Variants in ADGRV1 observed in about 807,000 individuals in gnomAD.
The protein encoded by ADGRV1 is G-protein coupled receptor 98.
Under a neutral mutation model 596.2 loss-of-function variants are expected in ADGRV1, and 359 were observed. That is an observed-to-expected ratio of 0.60 (90% CI 0.55 to 0.66). ADGRV1 has a LOEUF of 0.66. Among genes scored for constraint, ADGRV1 ranks in the 30% least tolerant of loss-of-function variants. ADGRV1 has a pLI of 0.00. For missense variants in ADGRV1, 7,274 were observed against 7,575.6 expected (o/e 0.96, Z 1.48); for synonymous variants, 2,681 against 2,679.2 (o/e 1.00, Z -0.02).
rs752676584 is a variant in ADGRV1 at position 90,614,764 on chromosome 5, A to G, written c.23-71A>G. On this transcript the variant is annotated intron_variant, in intron 1 of 89. Coordinates refer to ENST00000405460, the MANE Select transcript of ADGRV1 (RefSeq NM_032119.4). ...AACTCTTCATACTATGTTTATATCT[A>G]TAGACAATACAATCTAATGAGAATA... 2.5e-5 allele frequency: 28 copies of G among 1,106,308 alleles called. No homozygotes were observed. In the Admixed American group the frequency reaches 3.1e-4, roughly 12 times the overall value. The allele number at this position is 1,106,308 out of a possible 1,614,324, so 68.5% of individuals were successfully genotyped here. A position where few individuals can be genotyped will look rare whatever the true frequency, so the allele number is the denominator to read the frequency against.
At position 90,706,284 on chromosome 5, in the gene ADGRV1, C is replaced by A. The variant is rs758834029; in HGVS notation, c.8620C>A (p.Gln2874Lys). Residue 2874 changes from glutamine to lysine, a missense_variant, in exon 38 of 90, where the codon CAA becomes AAA. By Grantham distance (53) the Gln-to-Lys change is moderately conservative. Around this residue, in one of 5 missense-constraint regions of ADGRV1, gnomAD observed 3,643 missense variants for 3,809.2 expected, o/e 0.96. Transcript: ENST00000405460. The stretch of plus-strand genomic sequence containing the variant: ...TCCTGGAATGCTGAGTCTGAAGAAC[C>A]AAACAGTAGGAAACCTAGCAGAGCC... ...TVPGMLSLKN[Q>K]TVGNLAEPEV... The A allele has an allele frequency of 3.1e-6, 5 of 1,613,296 alleles. No homozygotes were observed. The South Asian group carries it at 5.5e-5, about 18-fold the overall frequency.
At chr5:90,573,310 A>C (rs1756782196) in intron 1 of ADGRV1, among the ~76,000 whole-genome samples, 3 of 152,162 alleles carry the variant, frequency 2.0e-5, no homozygotes, top group Admixed American at 1.3e-4. Context: ...AATTACAGTC[A>C]TGCATTGCTT....
At chr5:90,864,583 A>G (rs1170375376) in intron 83 of ADGRV1, among the ~76,000 whole-genome samples, 1 of 152,188 alleles carries the variant, frequency 6.6e-6, no homozygotes, top group African/African-American at 2.4e-5. Context: ...GAAGGTCAAG[A>G]AAGTCTTCAT....
chr5:90,834,541 C>A (rs796798785), intron 77 of ADGRV1, among the ~76,000 whole-genome samples: 7 of 151,944 alleles, frequency 4.6e-5, no homozygotes, highest in Non-Finnish European at 8.8e-5. Context: ...ATTTGTTCCA[C>A]TTTACTTGCT....
In ADGRV1 at chr5:90,712,387, C is replaced by G. The variant is rs1749480488; in HGVS notation, c.9143C>G (p.Thr3048Arg). The G allele has an allele frequency of 6.3e-7, 1 of 1,589,234 alleles. No homozygotes were observed. Among genetic ancestry groups the G allele is most frequent in the Middle Eastern group, 1.7e-4 (1 of 5,842 alleles). The change falls in exon 42 of 90, where the codon ACA becomes AGA. Residue 3048 changes from threonine (T) to arginine (R), a missense_variant. Thr to Arg is a moderately conservative substitution (Grantham distance 71). Coordinates refer to ENST00000405460, the MANE Select transcript of ADGRV1 (RefSeq NM_032119.4). Reference sequence around the variant, plus strand: ...GATGAAAAATTTCAGCTGATTTTAACAAATCCTTCTCCTGGACTAGAGCTA... The same window carrying G: ...GATGAAAAATTTCAGCTGATTTTAAGAAATCCTTCTCCTGGACTAGAGCTA... The part of the protein sequence containing the change: ...EGDEKFQLIL[T>R]NPSPGLELGK...
In ADGRV1 at chr5:91,113,918, CAAAA is replaced by C. The variant is rs1792611704; in HGVS notation, c.18432+11582_18432+11585del. 4.1e-5 allele frequency among the ~76,000 whole-genome samples: 6 copies of C among 145,796 alleles called. No individual in the cohort carries two copies. The South Asian group carries it at 1.3e-3, about 32-fold the overall frequency. ...TGGGCAACAGAGCGAGACTGCATCT[CAAAA>C]AAAGAGAAAAAAAATGCCAGGTGCA... is the stretch of plus-strand genomic sequence containing the variant. On this transcript the variant is annotated intron_variant, in intron 87 of 89. Transcript: ENST00000405460.
At chr5:90,646,615 C>T (rs1767805886) in intron 16 of ADGRV1, among the ~76,000 whole-genome samples, 1 of 151,968 alleles carries the variant, frequency 6.6e-6, no homozygotes, top group African/African-American at 2.4e-5. Context: ...TCTTTGGCCA[C>T]CTGAGGCATC....
At chr5:90,613,296 C>G (rs1300196496) in intron 1 of ADGRV1, among the ~76,000 whole-genome samples, 1 of 152,024 alleles carries the variant, frequency 6.6e-6, no homozygotes, top group Non-Finnish European at 1.5e-5. Flanking sequence ...CTTCATTGTA[C>G]CTTGTTCATT....
At chr5:91,001,190 G>C (rs968908014) in intron 85 of ADGRV1, among the ~76,000 whole-genome samples, 2 of 152,012 alleles carry the variant, frequency 1.3e-5, no homozygotes, top group African/African-American at 4.8e-5. Context: ...TGATCCTCCT[G>C]CCTCAGCTTC....
At chr5:91,069,995 A>C (rs1788238322) in intron 85 of ADGRV1, among the ~76,000 whole-genome samples, 1 of 152,188 alleles carries the variant, frequency 6.6e-6, no homozygotes, top group African/African-American at 2.4e-5. Flanking sequence ...TTCTAGGCAA[A>C]TTAACATAGG....
chr5:90,754,120 ATCAT>A (rs1196810117), intron 54 of ADGRV1, among the ~76,000 whole-genome samples: 9 of 152,210 alleles, frequency 5.9e-5, no homozygotes, highest in South Asian at 4.1e-4. Flanking sequence ...TATCTTTTTC[ATCAT>A]TCATCTGTTC....
At chr5:91,152,833 A>AT (rs930431564) in intron 88 of ADGRV1, among the ~76,000 whole-genome samples, 6 of 152,098 alleles carry the variant, frequency 3.9e-5, no homozygotes, top group African/African-American at 1.4e-4. Flanking sequence ...TACCCAGCTA[A>AT]TTTTTTACAT....
At chr5:90,717,342 G>A (rs1424148494) in intron 43 of ADGRV1, 1 of 149,016 alleles carries the variant, frequency 6.7e-6, no homozygotes, top group Non-Finnish European at 1.5e-5. Context: ...GTACACATAT[G>A]TAACAAACCT....
At chr5:91,035,857 T>TAAA (rs1784823826) in intron 85 of ADGRV1, among the ~76,000 whole-genome samples, 4 of 69,836 alleles carry the variant, frequency 5.7e-5, no homozygotes, top group Non-Finnish European at 9.9e-5. Context: ...TATATATATA[T>TAAA]ATATTATATA....
At chr5:90,778,812 A>G in intron 63 of ADGRV1, 53 bp from the exon 64 acceptor site, 1 of 1,433,602 alleles carries the variant, frequency 7.0e-7, no homozygotes, top group South Asian at 1.3e-5. Flanking sequence ...TACAGACAGT[A>G]TTGTCTGGTA....
At position 90,729,761 on chromosome 5, in the gene ADGRV1, A is replaced by G; in HGVS notation, c.10546A>G (p.Ile3516Val). ...RIHSFTPASG[I>V]AHILLIGQDM... ...CCACTCCTTCACACCAGCCTCAGGA[A>G]TAGGTAAGGACTTTTCAACTGCTCA... The change falls in exon 50 of 90, where the codon ATA becomes GTA. Residue 3516 changes from isoleucine to valine, a missense_variant. By Grantham distance (29) the Ile-to-Val change is conservative (BLOSUM62 3). Coordinates refer to ENST00000405460, the MANE Select transcript of ADGRV1 (RefSeq NM_032119.4). The G allele has an allele frequency of 1.2e-6, 2 of 1,613,408 alleles. No individual in the cohort carries two copies. Among genetic ancestry groups the G allele is most frequent in the Non-Finnish European group, 1.7e-6 (2 of 1,179,558 alleles).
Position 90,854,219 on chromosome 5 carries a change from A to T in ADGRV1, c.17594+18A>T. 6.6e-6 allele frequency: 10 copies of T among 1,513,994 alleles called. No individual in the cohort carries two copies. Among genetic ancestry groups the T allele is most frequent in the Non-Finnish European group, 8.8e-6 (10 of 1,131,254 alleles). 93.8% of individuals were successfully genotyped at this position (1,513,994 alleles called of 1,614,324 possible). ...GCTGCAAGGTACTTATTAATAAAAT[A>T]AAAAAATCAGAATTTGGTCCTTCCC... On this transcript the variant is annotated intron_variant, in intron 81 of 89. Transcript: ENST00000405460.
rs117219639 is a variant in ADGRV1 at position 91,061,874 on chromosome 5, T to A, written c.18153-10573T>A. Among the ~76,000 whole-genome samples, 103 of 152,354 alleles carry A rather than the reference T, an allele frequency of 6.8e-4. No individual in the cohort carries two copies. In the East Asian group the frequency reaches 0.016, roughly 23 times the overall value. Reference sequence around the variant, plus strand: ...CAATGTTGTTTAAAGAATAGTTGTGTGTTCACTCCCTTTTTCTCTCTATCA... The same window carrying A: ...CAATGTTGTTTAAAGAATAGTTGTGAGTTCACTCCCTTTTTCTCTCTATCA... On this transcript the variant is annotated intron_variant, in intron 85 of 89. Transcript: ENST00000405460.
chr5:90,640,421 G>A (rs1202118972), intron 11 of ADGRV1, among the ~76,000 whole-genome samples: 2 of 152,110 alleles, frequency 1.3e-5, no homozygotes, highest in African/African-American at 4.8e-5. Context: ...GAGACTAAAG[G>A]TTTTTATTTT....
Sources: gnomAD v4.1 joint callset for allele counts (sites outside exome capture counted in the v4.1 genomes callset) on GRCh38, gnomAD v4.1.1 for gene constraint, gnomAD v4.1.1 regional missense constraint, MANE v1.5 for transcripts, NCBI Gene and HGNC (gene_info 2026-07-23, HGNC 2026-07-21) for gene names.